RPGR: variants seen among roughly 807,000 people sequenced by gnomAD.
RPGR encodes the protein X-linked retinitis pigmentosa GTPase regulator.
RPGR carries 10 observed loss-of-function variants against 56.3 expected under a neutral mutation model. The ratio of observed to expected loss-of-function variants is 0.18; its 90% CI spans 0.11 to 0.30. The LOEUF (loss-of-function observed/expected upper bound fraction) is 0.30, where lower values mean the gene tolerates loss of function less well. Among genes scored for constraint, RPGR ranks in the 10% least tolerant of loss-of-function variants. RPGR has a pLI of 1.00. For synonymous variants in RPGR, 197 were observed against 212.9 expected (o/e 0.93, Z 0.65); for missense variants, 538 against 590.9 (o/e 0.91, Z 0.93).
Position 38,275,156 on chromosome X carries a change from A to G in RPGR, c.2092-10T>C. 8.4e-7 allele frequency: 1 copy of G among 1,197,150 alleles called. No homozygotes were observed. The highest frequency in any genetic ancestry group is 1.1e-6 in the Non-Finnish European group (1 of 882,544). The stretch of plus-strand genomic sequence containing the variant: ...GGTTGGCTTTTTCTTTCTATAAACA[A>G]TAACAAAGCAATATAACAAAAAATA... On this transcript the variant is annotated splice_polypyrimidine_tract_variant and intron_variant, in intron 16 of 18. Transcript: ENST00000642395.
At chrX:38,283,773 T>G (rs951289075) in intron 15 of RPGR, among the ~76,000 whole-genome samples, 1 of 112,304 alleles carries the variant, frequency 8.9e-6, no homozygotes, top group Non-Finnish European at 1.9e-5. Flanking sequence ...TGAATGCTCA[T>G]AGCTATTACA....
chrX:38,286,763 CTCTG>C lies in RPGR; in HGVS notation c.1905+327_1905+330del. The C allele has an allele frequency of 8.6e-7, 1 of 1,157,478 alleles. No individual in the cohort carries two copies. The highest frequency in any genetic ancestry group is 1.1e-6 in the Non-Finnish European group (1 of 869,905). ...TCTCCCTCCTTCTCTTCTTCCTCTT[CTCTG>C]TCTCCCTCCTCTTCTTCTCCTTCTC... On this transcript the variant is annotated intron_variant, in intron 15 of 18. Transcript: ENST00000642395.
chrX:38,296,945 C>G (rs948223133), intron 11 of RPGR, among the ~76,000 whole-genome samples: 3 of 112,037 alleles, frequency 2.7e-5, no homozygotes, highest in African/African-American at 9.7e-5. Flanking sequence ...TCTCTTCAAG[C>G]CTTGCTTTTC....
chrX:38,310,383 G>A (rs1330112765), intron 7 of RPGR, among the ~76,000 whole-genome samples: 3 of 111,321 alleles, frequency 2.7e-5, no homozygotes, highest in Admixed American at 9.6e-5. Flanking sequence ...ACGAGTTGCC[G>A]TACAGTGGGC....
chrX:38,308,176 C>T (rs889950481), intron 7 of RPGR: 3 of 111,652 alleles, frequency 2.7e-5, no homozygotes, highest in Non-Finnish European at 5.6e-5. Flanking sequence ...ACACTTCTTT[C>T]TTGCATCTGT....
chrX:38,318,102 G>T (rs2067861230), intron 5 of RPGR, among the ~76,000 whole-genome samples: 1 of 110,800 alleles, frequency 9.0e-6, no homozygotes, highest in African/African-American at 3.3e-5. Context: ...ATTTTAGAAA[G>T]GAATTATTAA....
intron 13 of RPGR, among the ~76,000 whole-genome samples, chrX:38,288,279 G>A (rs1312447361): frequency 9.0e-6 from 1 of 111,381 alleles, no homozygotes; most frequent in East Asian, 2.8e-4. Context: ...TTTAATTTTC[G>A]ATTCTTACTA....
chrX:38,293,859 TTCTC>T (rs1158393476), intron 11 of RPGR, among the ~76,000 whole-genome samples: 1 of 111,406 alleles, frequency 9.0e-6, no homozygotes, highest in Non-Finnish European at 1.9e-5. Context: ...TCCTTATACT[TTCTC>T]TCTTCTGTGC....
rs1207995730 is a variant in RPGR, at chrX:38,297,452, C to T, written c.1246G>A (p.Glu416Lys). 1 of 1,199,421 alleles carries T rather than the reference C, an allele frequency of 8.3e-7. No homozygotes were observed. The highest frequency in any genetic ancestry group is 2.2e-5 in the Admixed American group (1 of 45,841). Residue 416 changes from glutamate to lysine, a missense_variant and splice_region_variant, in exon 11 of 19, where the codon GAG (glutamate) becomes AAG (lysine). Glu to Lys is a moderately conservative substitution (Grantham distance 56). Transcript: ENST00000642395. ...ATTGAAAAAGAATCTGGAGACCTCT[C>T]CTTTAAAATAAGCAGGTTAAACAAA...
rs747796562 is a variant in RPGR at position 38,273,378 on chromosome X, T to C, written c.2241+8A>G. 4 of 1,175,732 alleles carry C rather than the reference T, an allele frequency of 3.4e-6. No individual in the cohort carries two copies. The highest frequency in any genetic ancestry group is 4.6e-6 in the Non-Finnish European group (4 of 866,031). On this transcript the variant is annotated splice_region_variant and intron_variant, in intron 18 of 18. Transcript: ENST00000642395. ...AAAGGATCAAAAAAGACAATTCATT[T>C]CACTTACCTTCTTTGTTTTTTTCAT...
chrX:38,274,958 G>T, intron 17 of RPGR: 1 of 522,141 alleles, frequency 1.9e-6, no homozygotes, highest in Non-Finnish European at 3.3e-6. Flanking sequence ...TGAGGATCAT[G>T]TGACAGTAAA....
At chrX:38,313,859 T>C (rs768747390) in intron 6 of RPGR, among the ~76,000 whole-genome samples, 24 of 112,180 alleles carry the variant, frequency 2.1e-4, no homozygotes, top group Admixed American at 1.2e-3. Context: ...TTTAATCAAC[T>C]TGGTATTGTA....
In RPGR at chrX:38,311,519, G is replaced by A. The variant is rs768711219; in HGVS notation, c.620-746C>T. 7.1e-5 allele frequency among the ~76,000 whole-genome samples: 8 copies of A among 112,192 alleles called. No individual in the cohort carries two copies. In the East Asian group the frequency reaches 2.2e-3, roughly 31 times the overall value. On this transcript the variant is annotated intron_variant, in intron 6 of 18. Coordinates refer to ENST00000642395, the MANE Select transcript of RPGR (RefSeq NM_000328.3). ...ATATCACCATTGGTATAAGCAAAGAGACAACAGAGCAGATCTGCTTGCTTA... is the reference window on the plus strand; with the variant it reads ...ATATCACCATTGGTATAAGCAAAGAAACAACAGAGCAGATCTGCTTGCTTA...
intron 6 of RPGR, among the ~76,000 whole-genome samples, chrX:38,314,809 A>C (rs1403258703): frequency 3.6e-5 from 4 of 112,186 alleles, no homozygotes; most frequent in Non-Finnish European, 5.6e-5. Flanking sequence ...TCTTAGTAAT[A>C]TGTTCTGTAT....
intron 18 of RPGR, among the ~76,000 whole-genome samples, chrX:38,271,588 A>G: frequency 8.9e-6 from 1 of 112,140 alleles, no homozygotes; most frequent in Non-Finnish European, 1.9e-5. Flanking sequence ...TGCCCTTAAT[A>G]TAAGTCTACC....
chrX:38,321,553 G>T (rs1008817527), intron 3 of RPGR, among the ~76,000 whole-genome samples: 1 of 109,669 alleles, frequency 9.1e-6, no homozygotes, highest in Admixed American at 9.8e-5. Context: ...ATTCGGGGAG[G>T]GGGTGCTGAG....
intron 6 of RPGR, 101 bp from the exon 7 acceptor site, chrX:38,310,874 T>C: frequency 1.5e-6 from 1 of 663,825 alleles, no homozygotes; most frequent in South Asian, 2.5e-5. Flanking sequence ...CTTAATACAT[T>C]TGACCTTTCT....
chrX:38,300,708 T>A (rs1449666395), intron 9 of RPGR, among the ~76,000 whole-genome samples: 5 of 111,055 alleles, frequency 4.5e-5, no homozygotes, highest in Admixed American at 3.8e-4. Flanking sequence ...CTAATTTTTG[T>A]ATTTTCATTA....
intron 18 of RPGR, chrX:38,269,901 G>T: frequency 1.3e-6 from 1 of 783,484 alleles, no homozygotes; most frequent in South Asian, 2.2e-5. Flanking sequence ...AGTATTTAGG[G>T]GATATCATTT....
Sources: gnomAD v4.1 joint callset for allele counts (sites outside exome capture counted in the v4.1 genomes callset) on GRCh38, gnomAD v4.1.1 for gene constraint, MANE v1.5 for transcripts, NCBI Gene and HGNC (gene_info 2026-07-23, HGNC 2026-07-21) for gene names.